The following PCDHA7 variants were observed in gnomAD, a reference collection of about 807,000 sequenced individuals.
PCDHA7 encodes protocadherin alpha 7.
Under a neutral mutation model 57.2 loss-of-function variants are expected in PCDHA7, and 37 were observed. That is an observed-to-expected ratio of 0.65 (90% CI 0.50 to 0.85). The LOEUF is 0.85. Ranked by LOEUF, PCDHA7 falls within the 40% of genes least tolerant of loss-of-function variation. The pLI is 0.00. For synonymous variants in PCDHA7, 553 were observed against 558.8 expected (o/e 0.99, Z 0.15); for missense variants, 1,188 against 1,241.8 (o/e 0.96, Z 0.65).
chr5:140,937,493 C>T (rs1158473278), intron 1 of PCDHA7, among the ~76,000 whole-genome samples: 3 of 152,020 alleles, frequency 2.0e-5, no homozygotes, highest in Non-Finnish European at 2.9e-5. Flanking sequence ...GGCACATACC[C>T]GTAATCCCAG....
chr5:140,953,873 A>G (rs537538688), intron 1 of PCDHA7, among the ~76,000 whole-genome samples: 53 of 152,258 alleles, frequency 3.5e-4, no homozygotes, highest in African/African-American at 1.3e-3. Context: ...TGCTGCACAG[A>G]TCAACCCATC....
At chr5:140,841,198 C>A in intron 1 of PCDHA7, 1 of 1,281,352 alleles carries the variant, frequency 7.8e-7, no homozygotes, top group Non-Finnish European at 1.1e-6. Context: ...TTTTCTCTGA[C>A]AGCATCTGTC....
At chr5:140,841,979 C>A (rs1316425759) in intron 1 of PCDHA7, 1 of 1,613,850 alleles carries the variant, frequency 6.2e-7, no homozygotes, top group East Asian at 2.2e-5. Context: ...TGGGGGCAAA[C>A]CTGAGCTCAC....
chr5:140,967,332 C>T (rs1269679357), intron 1 of PCDHA7: 2 of 1,607,906 alleles, frequency 1.2e-6, no homozygotes, highest in Non-Finnish European at 1.7e-6. Context: ...GAGCTCAGCC[C>T]CAGCGAGCAC....
At chr5:140,838,041 C>A (rs1479923409) in intron 1 of PCDHA7, among the ~76,000 whole-genome samples, 1 of 149,154 alleles carries the variant, frequency 6.7e-6, no homozygotes, top group African/African-American at 2.5e-5. Flanking sequence ...TACCTTTCTG[C>A]ACTTTTTGGT....
At chr5:140,964,118 C>G (rs1325218833) in intron 1 of PCDHA7, among the ~76,000 whole-genome samples, 1 of 151,942 alleles carries the variant, frequency 6.6e-6, no homozygotes, top group African/African-American at 2.4e-5. Flanking sequence ...CAATCACATT[C>G]TAACAACTAG....
At chr5:140,878,735 C>T (rs2057715661) in intron 1 of PCDHA7, among the ~76,000 whole-genome samples, 1 of 152,198 alleles carries the variant, frequency 6.6e-6, no homozygotes, top group Non-Finnish European at 1.5e-5. Context: ...AGCCTTATAT[C>T]TACTTTCTTA....
chr5:140,971,210 C>G (rs192930872), intron 1 of PCDHA7, among the ~76,000 whole-genome samples: 383 of 152,274 alleles, frequency 2.5e-3, no homozygotes, highest in Non-Finnish European at 3.7e-3. Context: ...CACTGTTACC[C>G]TCCCTCTCCT....
rs2150513475 is a variant in PCDHA7 at position 140,852,208 on chromosome 5, C to T, written c.2355+15470C>T. On this transcript the variant is annotated intron_variant, in intron 1 of 3. Transcript: ENST00000525929. ...AAATGCCAGTAACGTTTATTTAAAA[C>T]AAAATATTTTAATTTTTAAATTTTC... The T allele has an allele frequency of 5.2e-5, 34 of 657,540 alleles. 1 individual carries two copies. The African/African-American group carries it at 5.9e-4, about 11-fold the overall frequency. The allele number at this position is 657,540 out of a possible 1,614,324, so 40.7% of individuals were successfully genotyped here.
chr5:140,900,015 A>C (rs2067686381), intron 1 of PCDHA7, among the ~76,000 whole-genome samples: 1 of 151,940 alleles, frequency 6.6e-6, no homozygotes, highest in African/African-American at 2.4e-5. Context: ...TCACTTTGTT[A>C]CCCAGTTTGG....
At chr5:140,876,630 C>T in intron 1 of PCDHA7, 2 of 1,614,226 alleles carry the variant, frequency 1.2e-6, no homozygotes, top group Non-Finnish European at 1.7e-6. Context: ...GACAGGTCAT[C>T]TGCTCACTGA....
intron 3 of PCDHA7, among the ~76,000 whole-genome samples, chr5:141,002,568 C>T (rs1554258737): frequency 6.6e-6 from 1 of 152,182 alleles, no homozygotes; most frequent in Admixed American, 6.5e-5. Context: ...AGTTAGTGAC[C>T]ATGTGACCAT....
intron 1 of PCDHA7, among the ~76,000 whole-genome samples, chr5:140,891,445 G>T (rs1036846382): frequency 6.7e-6 from 1 of 148,520 alleles, no homozygotes; most frequent in Non-Finnish European, 1.5e-5. Context: ...CCATTGTATA[G>T]GATTTTTGAA....
intron 1 of PCDHA7, chr5:140,875,247 A>G (rs1427742475): frequency 2.1e-6 from 2 of 962,258 alleles, no homozygotes; most frequent in Non-Finnish European, 2.9e-6. Context: ...TTACATAATC[A>G]GTCACATGAT....
intron 1 of PCDHA7, chr5:140,882,076 G>A: frequency 1.1e-6 from 1 of 920,546 alleles, no homozygotes. Flanking sequence ...TGCGCATGGT[G>A]TCGCTCTTCA....
chr5:140,849,642 G>T (rs2150443693), intron 1 of PCDHA7: 2 of 1,598,700 alleles, frequency 1.3e-6, no homozygotes, highest in Non-Finnish European at 1.7e-6. Flanking sequence ...AGATGCCAAC[G>T]GGCAGGTTAC....
chr5:140,836,927 T>A, intron 1 of PCDHA7, 189 bp downstream of exon 1: 1 of 510,864 alleles, frequency 2.0e-6, no homozygotes, highest in Non-Finnish European at 3.3e-6. Context: ...TTGGGATGCG[T>A]AATACTATAG....
intron 1 of PCDHA7, among the ~76,000 whole-genome samples, chr5:140,913,961 A>T (rs909283613): frequency 2.0e-5 from 3 of 149,744 alleles, no homozygotes; most frequent in South Asian, 2.1e-4. Context: ...TATCATTTTT[A>T]AAAAAATATT....
chr5:140,842,284 C>T (rs2150333443), intron 1 of PCDHA7: 8 of 1,610,320 alleles, frequency 5.0e-6, no homozygotes, highest in Admixed American at 1.7e-5. Context: ...TCCTCATTGA[C>T]GCCACGGACA....
Sources: allele counts gnomAD v4.1 joint callset (sites outside exome capture counted in the v4.1 genomes callset), GRCh38; gene constraint gnomAD v4.1.1; transcripts MANE v1.5; gene names NCBI Gene and HGNC (gene_info 2026-07-23, HGNC 2026-07-21).